The following FAM135B variants were observed in gnomAD, a reference collection of about 807,000 sequenced individuals.
The protein encoded by FAM135B is protein FAM135B.
FAM135B carries 43 observed loss-of-function variants against 127.7 expected under a neutral mutation model. The ratio of observed to expected loss-of-function variants is 0.34; its 90% CI spans 0.26 to 0.43. FAM135B has a LOEUF of 0.43. Among genes scored for constraint, FAM135B ranks in the 20% least tolerant of loss-of-function variants. The probability of loss-of-function intolerance (pLI) is 1.00; values close to 1 mark genes in which losing one functional copy is unlikely to be tolerated. For missense variants in FAM135B, 1,558 were observed against 1,725.6 expected, an observed-to-expected ratio of 0.90 and a Z score of 1.72; for synonymous variants, 670 against 665.1, an observed-to-expected ratio of 1.01 and a Z score of -0.11.
intron 1 of FAM135B, among the ~76,000 whole-genome samples, chr8:138,495,653 T>C (rs1048616548): frequency 1.3e-5 from 2 of 152,210 alleles, no homozygotes; most frequent in African/African-American, 4.8e-5. Context: ...ATTATTCACA[T>C]GCTATCTTCC....
chr8:138,463,353 G>A (rs533731069), intron 1 of FAM135B, among the ~76,000 whole-genome samples: 1 of 152,308 alleles, frequency 6.6e-6, no homozygotes, highest in Non-Finnish European at 1.5e-5. Flanking sequence ...AGTTAGAAAA[G>A]GGAGAGACCA....
intron 7 of FAM135B, among the ~76,000 whole-genome samples, chr8:138,218,729 G>A (rs1818763470): frequency 6.6e-6 from 1 of 150,878 alleles, no homozygotes; most frequent in African/African-American, 2.4e-5. Flanking sequence ...CCTGTTCAAT[G>A]CCCTGCTCCT....
At chr8:138,269,672 T>C (rs974763673) in intron 3 of FAM135B, among the ~76,000 whole-genome samples, 1 of 152,192 alleles carries the variant, frequency 6.6e-6, no homozygotes, top group Non-Finnish European at 1.5e-5. Context: ...GAAATATAAG[T>C]TCTAGACTTG....
intron 3 of FAM135B, among the ~76,000 whole-genome samples, chr8:138,291,481 G>C (rs918854680): frequency 6.6e-6 from 1 of 151,974 alleles, no homozygotes; most frequent in South Asian, 2.1e-4. Flanking sequence ...ACAAGATAAG[G>C]CCATCCAAGA....
At chr8:138,286,316 G>A (rs1158762848) in intron 3 of FAM135B, among the ~76,000 whole-genome samples, 1 of 152,220 alleles carries the variant, frequency 6.6e-6, no homozygotes, top group Non-Finnish European at 1.5e-5. Flanking sequence ...GGACCCCTGG[G>A]TCAGGTTAGT....
At position 138,310,924 on chromosome 8, in the gene FAM135B, A is replaced by C; in HGVS notation, c.78-4T>G. The C allele has an allele frequency of 6.2e-7, 1 of 1,610,524 alleles. No individual in the cohort carries two copies. The highest frequency in any genetic ancestry group is 8.5e-7 in the Non-Finnish European group (1 of 1,178,248). ...GGTCACTCGGATCTGGTAATACCTA[A>C]GAAAAGAGAAGAGGACAGGGTGCTG... On this transcript the variant is annotated splice_region_variant and splice_polypyrimidine_tract_variant and intron_variant, in intron 2 of 19. Transcript: ENST00000395297.
intron 1 of FAM135B, among the ~76,000 whole-genome samples, chr8:138,477,970 C>A (rs903231361): frequency 3.3e-5 from 5 of 152,126 alleles, no homozygotes; most frequent in Non-Finnish European, 5.9e-5. Context: ...CCTGGGAAGC[C>A]TGGGTTCTTG....
intron 2 of FAM135B, among the ~76,000 whole-genome samples, chr8:138,349,825 T>A (rs1829659582): frequency 6.6e-6 from 1 of 152,200 alleles, no homozygotes; most frequent in African/African-American, 2.4e-5. Context: ...CCATAAGTTC[T>A]GCAGTGAGCC....
intron 19 of FAM135B, among the ~76,000 whole-genome samples, chr8:138,136,056 GA>G (rs1303112531): frequency 6.6e-6 from 1 of 151,648 alleles, no homozygotes; most frequent in Non-Finnish European, 1.5e-5. Context: ...TTTTTAATCA[GA>G]AAAAAAGAAT....
intron 1 of FAM135B, among the ~76,000 whole-genome samples, chr8:138,480,455 A>G (rs558816337): frequency 6.6e-6 from 1 of 152,358 alleles, no homozygotes; most frequent in South Asian, 2.1e-4. Flanking sequence ...TTGTACAGCT[A>G]TGGTGTGGAA....
At chr8:138,250,464 T>G (rs1821613888) in intron 6 of FAM135B, among the ~76,000 whole-genome samples, 1 of 152,220 alleles carries the variant, frequency 6.6e-6, no homozygotes, top group Non-Finnish European at 1.5e-5. Context: ...TGGTACCATC[T>G]TCATTTGAGA....
intron 2 of FAM135B, among the ~76,000 whole-genome samples, chr8:138,325,376 T>G (rs528675589): frequency 6.6e-6 from 1 of 152,280 alleles, no homozygotes; most frequent in Non-Finnish European, 1.5e-5. Context: ...TCATAAATCT[T>G]TGTTTTGAAG....
chr8:138,153,084 G>T lies in FAM135B; in HGVS notation c.1391C>A (p.Thr464Asn). The T allele has an allele frequency of 6.2e-7, 1 of 1,614,140 alleles. No individual in the cohort carries two copies. The highest frequency in any genetic ancestry group is 1.7e-4 in the Middle Eastern group (1 of 6,060). ...LSFREDLVLSTIKPSQMDSDE... is the reference protein window; with the variant it reads ...LSFREDLVLSNIKPSQMDSDE... ...AGAATCCATTTGGGATGGTTTTATG[G>T]TAGACAAGACAAGGTCTTCCCTAAA... The change falls in exon 13 of 20, where the codon ACC becomes AAC. Residue 464 changes from threonine (T) to asparagine (N), a missense_variant. By Grantham distance (65) the Thr-to-Asn change is moderately conservative. Coordinates refer to ENST00000395297, the MANE Select transcript of FAM135B (RefSeq NM_015912.4).
chr8:138,163,018 T>C (rs931015137), intron 12 of FAM135B, among the ~76,000 whole-genome samples: 1 of 152,228 alleles, frequency 6.6e-6, no homozygotes, highest in Non-Finnish European at 1.5e-5. Context: ...AGTTTCACTA[T>C]TGCAACTATA....
intron 2 of FAM135B, among the ~76,000 whole-genome samples, chr8:138,360,246 A>T (rs1830337203): frequency 6.6e-6 from 1 of 152,236 alleles, no homozygotes; most frequent in Admixed American, 6.5e-5. Flanking sequence ...TCAGCTAACA[A>T]TATTAGAAAT....
chr8:138,413,414 A>T (rs1007202782), intron 1 of FAM135B, among the ~76,000 whole-genome samples: 2 of 152,190 alleles, frequency 1.3e-5, no homozygotes, highest in African/African-American at 2.4e-5. Context: ...AGTTTGTCTC[A>T]TCCAGCAACT....
intron 2 of FAM135B, among the ~76,000 whole-genome samples, chr8:138,348,573 A>G (rs973463210): frequency 6.6e-6 from 1 of 152,136 alleles, no homozygotes; most frequent in African/African-American, 2.4e-5. Flanking sequence ...GCTTTCCTAG[A>G]CTCCCAACTA....
At chr8:138,174,408 C>T (rs796891296) in intron 11 of FAM135B, among the ~76,000 whole-genome samples, 28 of 152,234 alleles carry the variant, frequency 1.8e-4, no homozygotes, top group African/African-American at 6.3e-4. Flanking sequence ...ACCACGTTAA[C>T]GCACAGGTGC....
intron 1 of FAM135B, among the ~76,000 whole-genome samples, chr8:138,396,583 T>C (rs1242421306): frequency 6.6e-6 from 1 of 152,156 alleles, no homozygotes; most frequent in Non-Finnish European, 1.5e-5. Flanking sequence ...TTTACAGCAA[T>C]TGTGTGTATA....
Sources: allele counts gnomAD v4.1 joint callset (sites outside exome capture counted in the v4.1 genomes callset), GRCh38; gene constraint gnomAD v4.1.1; transcripts MANE v1.5; gene names NCBI Gene and HGNC (gene_info 2026-07-23, HGNC 2026-07-21).